The following AGBL1 variants were observed in gnomAD, a reference collection of about 807,000 sequenced individuals.
The protein encoded by AGBL1 is cytosolic carboxypeptidase 4.
A neutral mutation model predicts 118.9 loss-of-function variants in AGBL1; 130 were observed. That is an observed-to-expected ratio of 1.09 (90% CI 0.95 to 1.26). AGBL1 has a LOEUF of 1.26. Ranked by LOEUF, AGBL1 falls within the 50% of genes most tolerant of loss-of-function variation. AGBL1 has a pLI of 0.00. For missense variants in AGBL1, 1,584 were observed against 1,298.1 expected (o/e 1.22, Z -3.38); for synonymous variants, 555 against 478.9 (o/e 1.16, Z -2.08).
At chr15:86,440,409 G>C (rs2082048316) in intron 18 of AGBL1, among the ~76,000 whole-genome samples, 1 of 151,708 alleles carries the variant, frequency 6.6e-6, no homozygotes, top group Admixed American at 6.6e-5. Flanking sequence ...AGGAGAAGTT[G>C]AGAGTACGAT....
chr15:86,212,806 T>C (rs947697913), intron 5 of AGBL1, among the ~76,000 whole-genome samples: 16 of 152,160 alleles, frequency 1.1e-4, no homozygotes, highest in Non-Finnish European at 1.8e-4. Context: ...TATACCACCA[T>C]GCCTGGCTAA....
At chr15:86,981,310 A>C (rs750397134) in intron 23 of AGBL1, among the ~76,000 whole-genome samples, 1 of 152,166 alleles carries the variant, frequency 6.6e-6, no homozygotes, top group Non-Finnish European at 1.5e-5. Context: ...AGAATTTATC[A>C]ATTTTCATTC....
At chr15:86,872,460 A>G (rs2079743401) in intron 22 of AGBL1, among the ~76,000 whole-genome samples, 1 of 152,188 alleles carries the variant, frequency 6.6e-6, no homozygotes, top group South Asian at 2.1e-4. Context: ...AAATCTAAAA[A>G]TATAGACAAG....
intron 24 of AGBL1, among the ~76,000 whole-genome samples, chr15:87,007,445 A>T (rs1458312764): frequency 6.6e-6 from 1 of 152,198 alleles, no homozygotes; most frequent in Non-Finnish European, 1.5e-5. Flanking sequence ...CTTTGGTAGG[A>T]ACTTTAAAAT....
At chr15:86,752,221 G>A (rs2077865161) in intron 22 of AGBL1, among the ~76,000 whole-genome samples, 1 of 152,050 alleles carries the variant, frequency 6.6e-6, no homozygotes, top group Non-Finnish European at 1.5e-5. Flanking sequence ...CTGTGCAGCA[G>A]TTACTCCATC....
At chr15:87,007,303 G>T (rs556396849) in intron 24 of AGBL1, among the ~76,000 whole-genome samples, 1 of 152,022 alleles carries the variant, frequency 6.6e-6, no homozygotes, top group African/African-American at 2.4e-5. Context: ...ACAGAATACT[G>T]GACTCTTAAA....
intron 18 of AGBL1, among the ~76,000 whole-genome samples, chr15:86,514,747 T>G (rs930883479): frequency 2.6e-5 from 4 of 152,168 alleles, no homozygotes; most frequent in African/African-American, 9.6e-5. Flanking sequence ...CCATGTCCAT[T>G]AGGCCATCAG....
At chr15:86,121,671 C>T (rs145800056) in intron 1 of AGBL1, among the ~76,000 whole-genome samples, 5 of 152,342 alleles carry the variant, frequency 3.3e-5, no homozygotes, top group South Asian at 2.1e-4. Context: ...GAGGAACCCA[C>T]GTTTCTAAAA....
At chr15:86,468,066 T>C (rs1463121246) in intron 18 of AGBL1, among the ~76,000 whole-genome samples, 1 of 152,064 alleles carries the variant, frequency 6.6e-6, no homozygotes, top group East Asian at 1.9e-4. Flanking sequence ...ACTTAAATCA[T>C]TTTGTCCCTA....
chr15:86,184,132 A>G (rs2077591329), intron 5 of AGBL1, among the ~76,000 whole-genome samples: 1 of 152,234 alleles, frequency 6.6e-6, no homozygotes, highest in Non-Finnish European at 1.5e-5. Context: ...ATTGCTTTTA[A>G]AAAATTTAAT....
intron 21 of AGBL1, among the ~76,000 whole-genome samples, chr15:86,566,354 T>C (rs1012985244): frequency 1.3e-5 from 2 of 152,206 alleles, no homozygotes; most frequent in South Asian, 2.1e-4. Context: ...CAAGTGACTT[T>C]GGCTGTTCTA....
chr15:86,524,250 T>C (rs1254828055), intron 19 of AGBL1, among the ~76,000 whole-genome samples: 1 of 152,156 alleles, frequency 6.6e-6, no homozygotes, highest in African/African-American at 2.4e-5. Flanking sequence ...TACTTACTGT[T>C]GAAAGCGTGT....
At chr15:86,953,144 A>ATTTTGGCTC (rs2141673521) in intron 23 of AGBL1, among the ~76,000 whole-genome samples, 1 of 152,164 alleles carries the variant, frequency 6.6e-6, no homozygotes, top group East Asian at 1.9e-4. Flanking sequence ...TGCTTTGGCT[A>ATTTTGGCTC]TTTTGGCTCT....
intron 22 of AGBL1, among the ~76,000 whole-genome samples, chr15:86,714,945 T>C (rs558536180): frequency 6.6e-6 from 1 of 152,248 alleles, no homozygotes; most frequent in Non-Finnish European, 1.5e-5. Context: ...CACTTTAAAT[T>C]TTTGGATTAT....
In AGBL1 at chr15:86,493,134, C is replaced by T. The variant is rs147941315; in HGVS notation, c.2556-29676C>T. Among the ~76,000 whole-genome samples, 1,357 of 152,178 alleles carry T rather than the reference C, an allele frequency of 8.9e-3. 22 individuals are homozygous for T. The highest frequency in any genetic ancestry group is 0.031 in the African/African-American group (1,288 of 41,542). ...ACTTGAACCTGGAAGGGGGAGGTTG[C>T]AGTGAGCTGAGATCATGCCACTGCA... On this transcript the variant is annotated intron_variant, in intron 18 of 22. Transcript: ENST00000614907.
chr15:86,951,767 AT>A (rs1265040743), intron 23 of AGBL1, among the ~76,000 whole-genome samples: 1 of 152,070 alleles, frequency 6.6e-6, no homozygotes, highest in Admixed American at 6.5e-5. Context: ...ATTTTTATTT[AT>A]TGCTTTTCAT....
At chr15:86,460,553 T>G (rs1212149510) in intron 18 of AGBL1, among the ~76,000 whole-genome samples, 1 of 151,986 alleles carries the variant, frequency 6.6e-6, no homozygotes, top group Non-Finnish European at 1.5e-5. Context: ...ATGGTTCTTG[T>G]TAAACATACA....
chr15:86,507,440 G>A (rs569481782), intron 18 of AGBL1, among the ~76,000 whole-genome samples: 3 of 151,968 alleles, frequency 2.0e-5, no homozygotes, highest in Non-Finnish European at 4.4e-5. Flanking sequence ...TGTTTTTTGG[G>A]GCTGAGGATA....
chr15:86,711,715 G>T (rs1390984066), intron 22 of AGBL1, among the ~76,000 whole-genome samples: 1 of 152,174 alleles, frequency 6.6e-6, no homozygotes. Flanking sequence ...TACAAAGACA[G>T]TCATGCTTAT....
Sources: allele counts gnomAD v4.1 joint callset (sites outside exome capture counted in the v4.1 genomes callset), GRCh38; gene constraint gnomAD v4.1.1; transcripts MANE v1.5; gene names NCBI Gene and HGNC (gene_info 2026-07-23, HGNC 2026-07-21).